Variants in UNC5C observed in about 807,000 individuals in gnomAD.
UNC5C encodes the protein unc-5 netrin receptor C.
In UNC5C, 47 loss-of-function variants were observed where a neutral mutation model predicts 99.8. That is an observed-to-expected ratio of 0.47 (90% CI 0.37 to 0.60). The LOEUF is 0.60. Among genes scored for constraint, UNC5C ranks in the 20% least tolerant of loss-of-function variants. The pLI is 0.00. For synonymous variants in UNC5C, 487 were observed against 452.2 expected (o/e 1.08, Z -0.98); for missense variants, 1,062 against 1,165.9 (o/e 0.91, Z 1.30).
chr4:95,293,892 A>G (rs1741577565), intron 3 of UNC5C, among the ~76,000 whole-genome samples: 1 of 152,166 alleles, frequency 6.6e-6, no homozygotes, highest in African/African-American at 2.4e-5. Flanking sequence ...TACATAATAC[A>G]TGATTGAAAC....
At chr4:95,370,494 A>T (rs1283302447) in intron 1 of UNC5C, among the ~76,000 whole-genome samples, 2 of 152,294 alleles carry the variant, frequency 1.3e-5, no homozygotes, top group Middle Eastern at 6.8e-3. Flanking sequence ...ATTCCTGGCC[A>T]CAGTTGGGCC....
chr4:95,382,840 A>C (rs1012891477), intron 1 of UNC5C, among the ~76,000 whole-genome samples: 1 of 152,158 alleles, frequency 6.6e-6, no homozygotes, highest in African/African-American at 2.4e-5. Context: ...ACTGCTTTTG[A>C]TGGGTTAGCT....
intron 1 of UNC5C, among the ~76,000 whole-genome samples, chr4:95,491,059 T>C (rs920973019): frequency 2.0e-5 from 3 of 151,490 alleles, no homozygotes; most frequent in Non-Finnish European, 4.4e-5. Context: ...GGGAAGGTGG[T>C]AGCAGAAAAG....
At chr4:95,391,015 G>A (rs1453336483) in intron 1 of UNC5C, among the ~76,000 whole-genome samples, 1 of 152,134 alleles carries the variant, frequency 6.6e-6, no homozygotes, top group Non-Finnish European at 1.5e-5. Context: ...TTTTTCCTGT[G>A]CTGTTTTAGG....
At chr4:95,448,198 CTCTGTGTG>C (rs1374059352) in intron 1 of UNC5C, among the ~76,000 whole-genome samples, 7 of 103,900 alleles carry the variant, frequency 6.7e-5, no homozygotes, top group Non-Finnish European at 9.7e-5. Context: ...ATGTGTGTGT[CTCTGTGTG>C]TGTGTGTGTG....
chr4:95,288,063 ATTAT>A (rs373317999), intron 3 of UNC5C, among the ~76,000 whole-genome samples: 37 of 143,236 alleles, frequency 2.6e-4, no homozygotes, highest in African/African-American at 5.7e-4. Context: ...CACTTTACAG[ATTAT>A]TTATTTATTT....
chr4:95,262,294 G>T (rs1740269953), intron 4 of UNC5C, among the ~76,000 whole-genome samples: 1 of 152,172 alleles, frequency 6.6e-6, no homozygotes, highest in African/African-American at 2.4e-5. Flanking sequence ...CATAAATTTT[G>T]ATGACAGATC....
rs754248291 is a variant in UNC5C, at chr4:95,446,650, G to C, written c.124+102084C>G. On this transcript the variant is annotated intron_variant, in intron 1 of 15. Coordinates refer to ENST00000453304, the MANE Select transcript of UNC5C (RefSeq NM_003728.4). ...TAAATTTAAACCTGCCTGATTTCAG[G>C]TTCACTGGCACACAACAGTAAATAT... Among the ~76,000 whole-genome samples the C allele has an allele frequency of 7.8e-4, 119 of 152,116 alleles. 1 individual carries two copies. Among genetic ancestry groups the C allele is most frequent in the Non-Finnish European group, 1.0e-4 (7 of 68,026 alleles).
intron 14 of UNC5C, among the ~76,000 whole-genome samples, chr4:95,176,523 C>T (rs1736352878): frequency 6.6e-6 from 1 of 152,030 alleles, no homozygotes; most frequent in Admixed American, 6.5e-5. Context: ...CAGTCTGCCC[C>T]TGCTGGGGGG....
At chr4:95,191,378 A>C (rs1737084778) in intron 12 of UNC5C, among the ~76,000 whole-genome samples, 2 of 152,160 alleles carry the variant, frequency 1.3e-5, no homozygotes. Context: ...TATCTATTAG[A>C]GTATGACAAG....
At chr4:95,203,117 T>G (rs2149360809) in intron 11 of UNC5C, among the ~76,000 whole-genome samples, 153 bp from the exon 12 acceptor site, 1 of 152,356 alleles carries the variant, frequency 6.6e-6, no homozygotes, top group Admixed American at 6.5e-5. Context: ...GAGTTCATCA[T>G]TCTGTCTCTT....
At chr4:95,254,454 C>G (rs1354853166) in intron 4 of UNC5C, among the ~76,000 whole-genome samples, 1 of 152,168 alleles carries the variant, frequency 6.6e-6, no homozygotes, top group Non-Finnish European at 1.5e-5. Context: ...AACTCCAATT[C>G]ACTGGTCTAG....
At chr4:95,365,594 A>G (rs1169238855) in intron 1 of UNC5C, among the ~76,000 whole-genome samples, 1 of 151,948 alleles carries the variant, frequency 6.6e-6, no homozygotes, top group African/African-American at 2.4e-5. Context: ...GTTATTTCTA[A>G]TGGCTCAAAC....
chr4:95,416,671 T>C (rs1317460909), intron 1 of UNC5C, among the ~76,000 whole-genome samples: 1 of 152,212 alleles, frequency 6.6e-6, no homozygotes, highest in African/African-American at 2.4e-5. Context: ...AAAAATATGC[T>C]TTCACTTTCA....
intron 1 of UNC5C, among the ~76,000 whole-genome samples, chr4:95,348,965 C>G (rs1198416507): frequency 9.8e-6 from 1 of 102,498 alleles, no homozygotes; most frequent in Non-Finnish European, 1.8e-5. Flanking sequence ...TTACCAGAAG[C>G]TGGGAAGGGT....
intron 2 of UNC5C, among the ~76,000 whole-genome samples, chr4:95,327,937 C>T (rs932469147): frequency 2.0e-5 from 3 of 151,480 alleles, no homozygotes; most frequent in African/African-American, 7.3e-5. Context: ...ACTGACTCTT[C>T]ACGGAGCTGT....
intron 3 of UNC5C, among the ~76,000 whole-genome samples, chr4:95,284,292 G>A (rs907620950): frequency 6.6e-6 from 1 of 152,096 alleles, no homozygotes; most frequent in African/African-American, 2.4e-5. Flanking sequence ...CCATATTTAC[G>A]AAATGAAAAT....
chr4:95,443,941 A>G (rs1747021824), intron 1 of UNC5C, among the ~76,000 whole-genome samples: 1 of 152,226 alleles, frequency 6.6e-6, no homozygotes, highest in African/African-American at 2.4e-5. Flanking sequence ...TATTTTATAT[A>G]CATAAACATA....
At chr4:95,288,197 C>T (rs879301998) in intron 3 of UNC5C, among the ~76,000 whole-genome samples, 72 of 152,098 alleles carry the variant, frequency 4.7e-4, no homozygotes, top group Admixed American at 1.2e-3. Flanking sequence ...ATTCTCCTGC[C>T]TCAGCCTCCC....
Sources: allele counts gnomAD v4.1 joint callset (sites outside exome capture counted in the v4.1 genomes callset), GRCh38; gene constraint gnomAD v4.1.1; transcripts MANE v1.5; gene names NCBI Gene and HGNC (gene_info 2026-07-23, HGNC 2026-07-21).